The following PSMD7 variants were observed in gnomAD, a reference collection of about 807,000 sequenced individuals.
The protein encoded by PSMD7 is 26S proteasome non-ATPase regulatory subunit 7.
PSMD7 carries 13 observed loss-of-function variants against 36.4 expected under a neutral mutation model. The ratio of observed to expected loss-of-function variants is 0.36; its 90% CI spans 0.23 to 0.57. The LOEUF (loss-of-function observed/expected upper bound fraction) is 0.57. Ranked by LOEUF, PSMD7 falls within the 20% of genes least tolerant of loss-of-function variation. The pLI is 0.83. For synonymous variants in PSMD7, 186 were observed against 151.0 expected (o/e 1.23, Z -1.70); for missense variants, 298 against 393.6 (o/e 0.76, Z 2.06).
At chr16:74,300,352 C>T (rs2034146097) in intron 2 of PSMD7, 146 bp downstream of exon 2, 1 of 693,272 alleles carries the variant, frequency 1.4e-6, no homozygotes, top group Non-Finnish European at 2.5e-6. Context: ...CTGAAGATTG[C>T]ACACTAGACC....
chr16:74,301,703 G>A lies in PSMD7; in HGVS notation c.357+51G>A, dbSNP rs1418260921. On this transcript the variant is annotated intron_variant, in intron 4 of 6. Transcript: ENST00000219313. ...CTTGAATGATTTTTTTTGCCAGCCA[G>A]CTCAAGTAAGAGCATCCTGGGAAGA... The A allele has an allele frequency of 1.0e-5, 15 of 1,457,136 alleles. No individual in the cohort carries two copies. The South Asian group carries it at 1.5e-4, about 15-fold the overall frequency. 90.3% of individuals were successfully genotyped at this position (1,457,136 alleles called of 1,614,324 possible).
chr16:74,305,423 T>A lies in PSMD7; in HGVS notation c.665T>A (p.Ile222Asn), dbSNP rs754849581. ...AAAGTCGCCACAGGCAAGCTGCCCA[T>A]CAACCACCAGATCATCTACCAGCTG... ...LEKVATGKLP[I>N]NHQIIYQLQD... is the part of the protein sequence containing the mutation. The change falls in exon 7 of 7, where the codon ATC (isoleucine) becomes AAC (asparagine). Residue 222 changes from isoleucine to asparagine, a missense_variant. Coordinates refer to ENST00000219313, the MANE Select transcript of PSMD7 (RefSeq NM_002811.5). 1 of 1,614,176 alleles carries A rather than the reference T, an allele frequency of 6.2e-7. No homozygotes were observed. Among genetic ancestry groups the A allele is most frequent in the Non-Finnish European group, 8.5e-7 (1 of 1,180,028 alleles).
In PSMD7 at chr16:74,296,831, G is replaced by A; in HGVS notation, c.-84G>A. The A allele has an allele frequency of 1.4e-6, 2 of 1,436,410 alleles. No homozygotes were observed. The highest frequency in any genetic ancestry group is 4.6e-5 in the East Asian group (2 of 43,016). 89.0% of individuals were successfully genotyped at this position (1,436,410 alleles called of 1,614,324 possible). A position where few individuals can be genotyped will look rare whatever the true frequency, so the allele number is the denominator to read the frequency against. On this transcript the variant is annotated 5_prime_UTR_variant, in exon 1 of 7. Coordinates refer to ENST00000219313, the MANE Select transcript of PSMD7 (RefSeq NM_002811.5). ...GACGAACCGGAAGAAGAGGAACTGG[G>A]CCTGAAAGGGTACCGGTGACCGCTA... is the stretch of plus-strand genomic sequence containing the variant.
At chr16:74,303,906 G>C (rs1567526405) in intron 5 of PSMD7, 1 of 157,698 alleles carries the variant, frequency 6.3e-6, no homozygotes, top group East Asian at 1.8e-4. Context: ...ATTTTTAGTA[G>C]AGAGGGGTTT....
chr16:74,297,608 C>T (rs55956711), intron 1 of PSMD7, among the ~76,000 whole-genome samples: 2,829 of 152,176 alleles, frequency 0.019, 83 homozygotes, highest in African/African-American at 0.065. Flanking sequence ...TTGGTTTCAC[C>T]GAAATATGGA....
chr16:74,304,267 G>A, intron 5 of PSMD7, 36 bp from the exon 6 acceptor site: 1 of 1,587,738 alleles, frequency 6.3e-7, no homozygotes, highest in Non-Finnish European at 8.6e-7. Flanking sequence ...TTCGTTTGTG[G>A]AAAATAAATA....
intron 1 of PSMD7, among the ~76,000 whole-genome samples, chr16:74,297,629 G>T (rs2034123890): frequency 6.6e-6 from 1 of 152,096 alleles, no homozygotes; most frequent in Non-Finnish European, 1.5e-5. Flanking sequence ...TGATGCTGGA[G>T]TGGGGTGCAG....
intron 5 of PSMD7, chr16:74,304,080 G>A (rs2034176756): frequency 9.6e-6 from 4 of 414,780 alleles, no homozygotes; most frequent in South Asian, 6.4e-5. Context: ...TTTTCTCAAC[G>A]CACAGTGCCC....
At chr16:74,299,100 G>C (rs935966885) in intron 1 of PSMD7, among the ~76,000 whole-genome samples, 1 of 143,212 alleles carries the variant, frequency 7.0e-6, no homozygotes, top group East Asian at 2.1e-4. Context: ...ACCATTTATA[G>C]ATTTGCCAAC....
At chr16:74,299,612 T>C (rs898258813) in intron 1 of PSMD7, 1 of 453,290 alleles carries the variant, frequency 2.2e-6, no homozygotes, top group African/African-American at 2.0e-5. Context: ...CATGCTCGTC[T>C]CAAACTCCTG....
At chr16:74,300,088 A>G (rs753458570) in intron 1 of PSMD7, 27 bp from the exon 2 acceptor site, 1 of 1,601,072 alleles carries the variant, frequency 6.2e-7, no homozygotes, top group Non-Finnish European at 8.6e-7. Context: ...GAGCCTATCC[A>G]CACTGACCAT....
At chr16:74,305,200 C>G (rs1456549984) in intron 6 of PSMD7, 89 bp from the exon 7 acceptor site, 9 of 1,431,328 alleles carry the variant, frequency 6.3e-6, no homozygotes, top group Non-Finnish European at 7.3e-6. Flanking sequence ...CCCAACAAAG[C>G]TAGGAATTTT....
At chr16:74,300,030 T>C (rs552332502) in intron 1 of PSMD7, 85 bp from the exon 2 acceptor site, 347 of 1,181,694 alleles carry the variant, frequency 2.9e-4, no homozygotes, top group Non-Finnish European at 4.1e-4. Context: ...ATCTGTGCCA[T>C]TGATATTTCC....
intron 1 of PSMD7, 50 bp downstream of exon 1, chr16:74,297,038 AC>A: frequency 6.3e-7 from 1 of 1,581,800 alleles, no homozygotes; most frequent in Non-Finnish European, 8.6e-7. Flanking sequence ...CTGCTGAGTC[AC>A]GGGCACGCTG....
In PSMD7 at chr16:74,296,846, G is replaced by C; in HGVS notation, c.-69G>C. ...GAGGAACTGGGCCTGAAAGGGTACCGGTGACCGCTACTGCTGCCGGTGTTT... is the reference window on the plus strand; with the variant it reads ...GAGGAACTGGGCCTGAAAGGGTACCCGTGACCGCTACTGCTGCCGGTGTTT... On this transcript the variant is annotated 5_prime_UTR_variant, in exon 1 of 7. Coordinates refer to ENST00000219313, the MANE Select transcript of PSMD7 (RefSeq NM_002811.5). 6.5e-7 allele frequency: 1 copy of C among 1,546,564 alleles called. No homozygotes were observed. Among genetic ancestry groups the C allele is most frequent in the African/African-American group, 1.4e-5 (1 of 73,930 alleles).
chr16:74,302,179 G>C (rs776352908), intron 4 of PSMD7, 33 bp from the exon 5 acceptor site: 2 of 1,576,694 alleles, frequency 1.3e-6, no homozygotes, highest in African/African-American at 2.7e-5. Context: ...TGCTGGGCGT[G>C]AGATGACTTG....
intron 1 of PSMD7, 94 bp downstream of exon 1, chr16:74,297,082 A>T: frequency 7.4e-7 from 1 of 1,346,088 alleles, no homozygotes; most frequent in Non-Finnish European, 1.0e-6. Flanking sequence ...CGAGCTGGGG[A>T]CGCAGATAGG....
At chr16:74,300,415 CCTCT>C in intron 2 of PSMD7, 1 of 576,834 alleles carries the variant, frequency 1.7e-6, no homozygotes, top group Admixed American at 3.0e-5. Context: ...TGCACCTGCT[CCTCT>C]CTGCCATTAT....
intron 5 of PSMD7, chr16:74,304,090 C>T: frequency 2.1e-6 from 1 of 473,240 alleles, no homozygotes; most frequent in East Asian, 3.8e-5. Flanking sequence ...GCACAGTGCC[C>T]CAGCAGACTG....
Sources: allele counts gnomAD v4.1 joint callset (sites outside exome capture counted in the v4.1 genomes callset), GRCh38; gene constraint gnomAD v4.1.1; transcripts MANE v1.5; gene names NCBI Gene and HGNC (gene_info 2026-07-23, HGNC 2026-07-21).